SLC23A2: variants seen among roughly 807,000 people sequenced by gnomAD.
SLC23A2 encodes Na(+)/L-ascorbic acid transporter 2.
In SLC23A2, 36 loss-of-function variants were observed where a neutral mutation model predicts 73.3. The ratio of observed to expected loss-of-function variants is 0.49; its 90% CI spans 0.38 to 0.65. The LOEUF (loss-of-function observed/expected upper bound fraction) is 0.65. SLC23A2 is among the 30% of genes least tolerant of loss of function. The pLI is 0.00. For missense variants in SLC23A2, 507 were observed against 841.6 expected (o/e 0.60, Z 4.92); for synonymous variants, 343 against 327.3 (o/e 1.05, Z -0.52).
At chr20:4,930,976 T>A in intron 3 of SLC23A2, among the ~76,000 whole-genome samples, 1 of 121,930 alleles carries the variant, frequency 8.2e-6, no homozygotes, top group South Asian at 2.9e-4. Flanking sequence ...ACTCAGTCTA[T>A]TTTTTTTTTT....
At chr20:4,959,325 G>A (rs2087342572) in intron 2 of SLC23A2, among the ~76,000 whole-genome samples, 1 of 151,984 alleles carries the variant, frequency 6.6e-6, no homozygotes, top group Non-Finnish European at 1.5e-5. Context: ...CTCTTGGGTG[G>A]GTATGCAAAA....
At chr20:4,929,820 G>T (rs1932766057) in intron 3 of SLC23A2, among the ~76,000 whole-genome samples, 1 of 152,226 alleles carries the variant, frequency 6.6e-6, no homozygotes, top group Non-Finnish European at 1.5e-5. Flanking sequence ...TGCTGGAAGA[G>T]GATACCCAAA....
rs1030146331 is a variant in SLC23A2, at chr20:4,862,641, T to A, written c.1486+137A>T. On this transcript the variant is annotated intron_variant, in intron 14 of 16. Transcript: ENST00000338244. This position sits in a 1 kb window ranked among gnomAD's most constrained non-coding sequence, Gnocchi z 5.1. ...CTCAGAGAGTGATAAAAGTTTTCAT[T>A]TTTTGAAGGCATATCCTTTGTATTT... The A allele has an allele frequency of 5.4e-6, 4 of 742,110 alleles. No individual in the cohort carries two copies. Among genetic ancestry groups the A allele is most frequent in the Admixed American group, 2.6e-5 (1 of 38,974 alleles). The allele number at this position is 742,110 out of a possible 1,614,324, so 46.0% of individuals were successfully genotyped here.
intron 2 of SLC23A2, among the ~76,000 whole-genome samples, chr20:4,938,474 G>C (rs954169828): frequency 6.6e-6 from 1 of 152,050 alleles, no homozygotes; most frequent in Non-Finnish European, 1.5e-5. Flanking sequence ...GAGTAGCTGG[G>C]ATTACAGGCA....
At chr20:4,938,153 C>A (rs2086989322) in intron 2 of SLC23A2, among the ~76,000 whole-genome samples, 1 of 151,664 alleles carries the variant, frequency 6.6e-6, no homozygotes, top group African/African-American at 2.4e-5. Flanking sequence ...ACCTCAGCCT[C>A]CTGAGTAGCT....
intron 9 of SLC23A2, among the ~76,000 whole-genome samples, chr20:4,877,373 T>C (rs1055263631): frequency 1.3e-5 from 2 of 152,160 alleles, no homozygotes; most frequent in African/African-American, 2.4e-5. Context: ...GAATACATTA[T>C]AGACTACATT....
At position 4,861,988 on chromosome 20, in the gene SLC23A2, G is replaced by A. The variant is rs369987109; in HGVS notation, c.1584C>T (p.Leu528=). 7.4e-5 allele frequency: 120 copies of A among 1,614,150 alleles called. No individual in the cohort carries two copies. The East Asian group carries it at 1.6e-3, about 21-fold the overall frequency. Residue 528 remains leucine, a synonymous_variant, in exon 15 of 17, where the codon CTC becomes CTT. Transcript: ENST00000338244. ...FVLGFSIFFG[L]VLPSYLRQNP... is the part of the protein sequence containing the mutation. ...TCTGTCTGAGGTAACTTGGAAGGAC[G>A]AGCCCAAAGAAGATCGAAAATCCAA... is the stretch of plus-strand genomic sequence containing the variant.
chr20:4,898,308 C>A (rs749728570), intron 6 of SLC23A2, among the ~76,000 whole-genome samples: 1 of 152,206 alleles, frequency 6.6e-6, no homozygotes, highest in East Asian at 1.9e-4. Flanking sequence ...AGCAGACCTG[C>A]AGCCTACCCT....
intron 2 of SLC23A2, among the ~76,000 whole-genome samples, chr20:4,936,825 C>T (rs190932328): frequency 6.6e-6 from 1 of 152,320 alleles, no homozygotes; most frequent in Admixed American, 6.5e-5. Context: ...CACTAATGCA[C>T]TTCACCCACC....
chr20:4,876,532 T>C (rs2122810209), intron 9 of SLC23A2, among the ~76,000 whole-genome samples: 1 of 152,324 alleles, frequency 6.6e-6, no homozygotes, highest in South Asian at 2.1e-4. Flanking sequence ...GACCCGCCCA[T>C]GTCCACACAT....
At chr20:4,893,109 G>A (rs1452246523) in intron 6 of SLC23A2, among the ~76,000 whole-genome samples, 1 of 151,630 alleles carries the variant, frequency 6.6e-6, no homozygotes, top group African/African-American at 2.4e-5. Context: ...CTGTCTCCCA[G>A]GCTGGAATGC....
At chr20:4,896,799 G>A (rs917282425) in intron 6 of SLC23A2, among the ~76,000 whole-genome samples, 15 of 152,294 alleles carry the variant, frequency 9.8e-5, no homozygotes, top group East Asian at 9.7e-4. Flanking sequence ...CCCCGGGGGC[G>A]AGTCCCCTGC....
rs1409334899 is a variant in SLC23A2 at position 4,857,495 on chromosome 20, T to C, written c.1721-291A>G. Among the ~76,000 whole-genome samples the C allele has an allele frequency of 6.6e-6, 1 of 152,158 alleles. No individual in the cohort carries two copies. Among genetic ancestry groups the C allele is most frequent in the Non-Finnish European group, 1.5e-5 (1 of 68,026 alleles). ...TAATGACCTTCTGACCTCCCTATCC[T>C]TCTATGTGACCCATATTCTCAATTT... On this transcript the variant is annotated intron_variant, in intron 16 of 16. Coordinates refer to ENST00000338244, the MANE Select transcript of SLC23A2 (RefSeq NM_005116.6). The surrounding 1 kb of genome is among the most constrained non-coding windows in gnomAD (Gnocchi z 4.0).
At chr20:4,966,818 A>G in intron 2 of SLC23A2, among the ~76,000 whole-genome samples, 1 of 85,840 alleles carries the variant, frequency 1.2e-5, no homozygotes, top group African/African-American at 4.3e-5. Flanking sequence ...TTACACACAC[A>G]CACACACACA....
At chr20:4,903,463 T>G (rs370883444) in intron 4 of SLC23A2, among the ~76,000 whole-genome samples, 2 of 152,246 alleles carry the variant, frequency 1.3e-5, no homozygotes, top group African/African-American at 4.8e-5. Flanking sequence ...GAATCCAAGA[T>G]ATGTATCTCA....
At chr20:4,947,000 T>C (rs1365601287) in intron 2 of SLC23A2, among the ~76,000 whole-genome samples, 1 of 152,236 alleles carries the variant, frequency 6.6e-6, no homozygotes, top group African/African-American at 2.4e-5. Flanking sequence ...CAAGACCATC[T>C]TAAGCCTCGT....
At chr20:4,951,015 C>T (rs963389028) in intron 2 of SLC23A2, among the ~76,000 whole-genome samples, 2 of 152,128 alleles carry the variant, frequency 1.3e-5, no homozygotes, top group Non-Finnish European at 2.9e-5. Context: ...AGACCCACCA[C>T]CACAAGCGCC....
At chr20:4,888,578 G>A (rs1931194818) in intron 6 of SLC23A2, among the ~76,000 whole-genome samples, 1 of 152,080 alleles carries the variant, frequency 6.6e-6, no homozygotes, top group Non-Finnish European at 1.5e-5. Context: ...AACTCCCACA[G>A]TCCTTACTTT....
At chr20:4,933,262 C>A (rs1320518343) in intron 2 of SLC23A2, among the ~76,000 whole-genome samples, 2 of 152,054 alleles carry the variant, frequency 1.3e-5, no homozygotes, top group African/African-American at 4.8e-5. Flanking sequence ...ATTCTACATT[C>A]CCTACATGTG....
Sources: allele counts gnomAD v4.1 joint callset (sites outside exome capture counted in the v4.1 genomes callset), GRCh38; gene constraint gnomAD v4.1.1; non-coding constraint Gnocchi (gnomAD v3.1); transcripts MANE v1.5; gene names NCBI Gene and HGNC (gene_info 2026-07-23, HGNC 2026-07-21).